ATP13A3: variants seen among roughly 807,000 people sequenced by gnomAD.
ATP13A3 encodes the protein ATPase 13A3, also known as polyamine-transporting ATPase 13A3.
ATP13A3 carries 59 observed loss-of-function variants against 158.1 expected under a neutral mutation model. That is an observed-to-expected ratio of 0.37 (90% CI 0.30 to 0.46). The LOEUF (loss-of-function observed/expected upper bound fraction) is 0.46, where lower values mean the gene tolerates loss of function less well. Ranked by LOEUF, ATP13A3 falls within the 20% of genes least tolerant of loss-of-function variation. The pLI, the probability that ATP13A3 is intolerant of heterozygous loss-of-function variation, is 1.00. For synonymous variants in ATP13A3, 491 were observed against 504.3 expected, an observed-to-expected ratio of 0.97 and a Z score of 0.35; for missense variants, 1,166 against 1,525.2, an observed-to-expected ratio of 0.76 and a Z score of 3.92.
intron 2 of ATP13A3, chr3:194,472,153 A>G (rs562183726): frequency 2.6e-5 from 4 of 154,510 alleles, no homozygotes; most frequent in East Asian, 3.9e-4. Flanking sequence ...GCAGTGCCCA[A>G]TGACGACATT....
chr3:194,437,246 T>TA, intron 19 of ATP13A3, 31 bp from the exon 20 acceptor site: 1 of 1,613,860 alleles, frequency 6.2e-7, no homozygotes, highest in African/African-American at 1.3e-5. Context: ...ATTTCATTGT[T>TA]AGAGTTGCTA....
At position 194,404,865 on chromosome 3, in the gene ATP13A3, T is replaced by G. The variant is rs1414733671; in HGVS notation, c.*1054A>C. The G allele has an allele frequency of 6.6e-6, 1 of 152,112 alleles. No homozygotes were observed. Among genetic ancestry groups the G allele is most frequent in the African/African-American group, 2.4e-5 (1 of 41,408 alleles). The allele number at this position is 152,112 out of a possible 1,614,324, so 9.4% of individuals were successfully genotyped here. The stretch of plus-strand genomic sequence containing the variant: ...ATGGCATAAAACAAACTCATCAAAT[T>G]CATATTGCTTTGAAAAAACGGCAGC... On this transcript the variant is annotated 3_prime_UTR_variant, in exon 34 of 34. Transcript: ENST00000645319.
upstream of ATP13A3, among the ~76,000 whole-genome samples, chr3:194,490,907 A>G (rs891997418): frequency 6.6e-6 from 1 of 152,204 alleles, no homozygotes; most frequent in African/African-American, 2.4e-5. The surrounding 1 kb of genome is among the most constrained non-coding windows in gnomAD (Gnocchi z 4.4). Flanking sequence ...GCAATTTGGG[A>G]GGCCGAGGCG....
intron 15 of ATP13A3, 150 bp from the exon 16 acceptor site, chr3:194,441,611 T>TA: frequency 1.4e-6 from 1 of 698,594 alleles, no homozygotes; most frequent in Non-Finnish European, 2.3e-6. Context: ...GTGTCAGAAA[T>TA]ACAGGGAAAA....
Position 194,437,362 on chromosome 3 carries a change from A to G in ATP13A3, c.1948T>C (p.Tyr650His), listed in dbSNP as rs1717723633. 1.2e-6 allele frequency: 2 copies of G among 1,614,200 alleles called. No homozygotes were observed. The highest frequency in any genetic ancestry group is 1.6e-4 in the Middle Eastern group (1 of 6,062). ...RVLGDRKMDA[Y>H]MKGAPEAIAG... ...ATGGCCTCGGGCGCTCCTTTCATGT[A>G]GGCGTCCATTTTCCTATCCCCCAGC... Residue 650 changes from tyrosine (Y) to histidine (H), a missense_variant, in exon 19 of 34, where the codon TAC (tyrosine) becomes CAC (histidine). This residue lies in a region of ATP13A3 where 997 missense variants were observed against 1,341.2 expected (regional missense o/e 0.74). Coordinates refer to ENST00000645319, the MANE Select transcript of ATP13A3 (RefSeq NM_001367549.1).
Position 194,405,642 on chromosome 3 carries a change from C to A in ATP13A3, c.*277G>T. 1 of 355,408 alleles carries A rather than the reference C, an allele frequency of 2.8e-6. No homozygotes were observed. 22.0% of individuals were successfully genotyped at this position (355,408 alleles called of 1,614,324 possible). A position where few individuals can be genotyped will look rare whatever the true frequency, so the allele number is the denominator to read the frequency against. On this transcript the variant is annotated 3_prime_UTR_variant, in exon 34 of 34. Transcript: ENST00000645319. ...CTCCTGTACCCAATATAAAGAATAT[C>A]ACTGAAAGTAACAATCAAGAAAATT...
At chr3:194,442,116 C>T (rs1050249491) in intron 15 of ATP13A3, among the ~76,000 whole-genome samples, 1 of 152,188 alleles carries the variant, frequency 6.6e-6, no homozygotes, top group African/African-American at 2.4e-5. Flanking sequence ...AGGATTGAAA[C>T]ACAGGAGGTC....
intron 10 of ATP13A3, chr3:194,450,521 G>C (rs1317748084): frequency 2.3e-6 from 1 of 436,822 alleles, no homozygotes; most frequent in African/African-American, 2.0e-5. Flanking sequence ...ACCCTCTGAC[G>C]AAGCAGGTTA....
intron 20 of ATP13A3, among the ~76,000 whole-genome samples, chr3:194,434,531 A>C (rs1199237122): frequency 2.6e-5 from 4 of 152,248 alleles, no homozygotes; most frequent in Non-Finnish European, 4.4e-5. Context: ...TGGGTGGGGA[A>C]ACAGACATGC....
At chr3:194,429,992 G>T in intron 26 of ATP13A3, 80 bp downstream of exon 26, 1 of 1,288,122 alleles carries the variant, frequency 7.8e-7, no homozygotes, top group Non-Finnish European at 1.1e-6. Flanking sequence ...ACAAATTCAT[G>T]TTACTTTTTA....
rs114105506 is a variant in ATP13A3 at position 194,481,278 on chromosome 3, A to T, written c.-47+4516T>A. 3.4e-3 allele frequency among the ~76,000 whole-genome samples: 520 copies of T among 152,096 alleles called. 4 individuals are homozygous for T. The highest frequency in any genetic ancestry group is 5.7e-3 in the Non-Finnish European group (387 of 67,954). ...CTATGAAGAAACCACCCTTAGACAC[A>T]TATGTGGGAGCAATTCCATGACTCA... On this transcript the variant is annotated intron_variant, in intron 2 of 33. Transcript: ENST00000645319.
intron 16 of ATP13A3, among the ~76,000 whole-genome samples, chr3:194,439,619 CA>C (rs1717902873): frequency 6.6e-6 from 1 of 152,222 alleles, no homozygotes; most frequent in African/African-American, 2.4e-5. Flanking sequence ...AATTCTAAGA[CA>C]CCTTTTTTCG....
chr3:194,453,690 A>G lies in ATP13A3; in HGVS notation c.838+16T>C. 9 of 1,598,470 alleles carry G rather than the reference A, an allele frequency of 5.6e-6. No homozygotes were observed. Among genetic ancestry groups the G allele is most frequent in the Non-Finnish European group, 7.7e-6 (9 of 1,166,824 alleles). The stretch of plus-strand genomic sequence containing the variant: ...GTATCTTTTTTGATTTATTCTTCCA[A>G]CATTCAATTACTTACCTTCATTTAC... On this transcript the variant is annotated intron_variant, in intron 10 of 33. Transcript: ENST00000645319.
intron 11 of ATP13A3, among the ~76,000 whole-genome samples, chr3:194,449,152 C>G (rs1169878060): frequency 6.6e-6 from 1 of 151,942 alleles, no homozygotes; most frequent in African/African-American, 2.4e-5. Flanking sequence ...GTGGTTCTCT[C>G]AAACAACCAC....
intron 17 of ATP13A3, among the ~76,000 whole-genome samples, chr3:194,437,986 C>A (rs1397464982): frequency 6.6e-6 from 1 of 152,114 alleles, no homozygotes; most frequent in Admixed American, 6.6e-5. Context: ...ATGGTGAAAC[C>A]CCATCTCTAC....
In ATP13A3 at chr3:194,430,935, ATACT is replaced by A; in HGVS notation, c.2624+4_2624+7del. On this transcript the variant is annotated splice_donor_5th_base_variant and intron_variant, in intron 24 of 33. Coordinates refer to ENST00000645319, the MANE Select transcript of ATP13A3 (RefSeq NM_001367549.1). ...AAAACCAAAACCAAAAAAGACACCA[ATACT>A]TACTCAACATTTTGCAATGCTTCTA... 6.2e-7 allele frequency: 1 copy of A among 1,604,288 alleles called. No homozygotes were observed. Among genetic ancestry groups the A allele is most frequent in the Non-Finnish European group, 8.5e-7 (1 of 1,174,786 alleles).
intron 2 of ATP13A3, among the ~76,000 whole-genome samples, chr3:194,465,720 T>C (rs1719947486): frequency 6.6e-6 from 1 of 152,032 alleles, no homozygotes; most frequent in South Asian, 2.1e-4. Flanking sequence ...TCCCAGCTCT[T>C]TGGGAGGCTG....
At chr3:194,464,507 G>A (rs908740723) in intron 2 of ATP13A3, among the ~76,000 whole-genome samples, 1 of 152,072 alleles carries the variant, frequency 6.6e-6, no homozygotes, top group Admixed American at 6.5e-5. Context: ...TATTTTCAAG[G>A]GCTGTGCCTG....
At chr3:194,429,563 T>C (rs1228033604) in intron 27 of ATP13A3, 115 bp downstream of exon 27, 2 of 648,506 alleles carry the variant, frequency 3.1e-6, no homozygotes, top group African/African-American at 3.8e-5. Flanking sequence ...AATTTATAGG[T>C]ACTACTCACA....
Sources: gnomAD v4.1 joint callset for allele counts (sites outside exome capture counted in the v4.1 genomes callset) on GRCh38, gnomAD v4.1.1 for gene constraint, gnomAD v4.1.1 regional missense constraint, Gnocchi (gnomAD v3.1) non-coding constraint, MANE v1.5 for transcripts, NCBI Gene and HGNC (gene_info 2026-07-23, HGNC 2026-07-21) for gene names.